GOLGA4: variants seen among roughly 807,000 people sequenced by gnomAD.
The protein encoded by GOLGA4 is golgin A4, also known as golgin subfamily A member 4.
A neutral mutation model predicts 265.9 loss-of-function variants in GOLGA4; 169 were observed. That is an observed-to-expected ratio of 0.64 (90% CI 0.56 to 0.72). The LOEUF (loss-of-function observed/expected upper bound fraction) is 0.72. Among genes scored for constraint, GOLGA4 ranks in the 30% least tolerant of loss-of-function variants. The pLI, the probability that GOLGA4 is intolerant of heterozygous loss-of-function variation, is 0.00. For synonymous variants in GOLGA4, 923 were observed against 855.8 expected (o/e 1.08, Z -1.37); for missense variants, 2,482 against 2,483.4 (o/e 1.00, Z 0.01).
At chr3:37,351,979 C>G (rs148288654) in intron 21 of GOLGA4, among the ~76,000 whole-genome samples, 1 of 152,190 alleles carries the variant, frequency 6.6e-6, no homozygotes, top group East Asian at 1.9e-4. Context: ...AGCTTTTGAA[C>G]TTCTCCTCTC....
chr3:37,339,420 G>A (rs561673256), intron 19 of GOLGA4, among the ~76,000 whole-genome samples: 2 of 152,270 alleles, frequency 1.3e-5, no homozygotes, highest in South Asian at 4.1e-4. Flanking sequence ...ATACACAGGA[G>A]TGGAATTACT....
chr3:37,340,322 AT>A (rs1245102553), intron 20 of GOLGA4, 123 bp downstream of exon 20: 3 of 484,940 alleles, frequency 6.2e-6, no homozygotes, highest in Non-Finnish European at 1.1e-5. Context: ...TAATGATTTT[AT>A]TTTTTCTTAA....
chr3:37,365,656 G>A (rs17036280), intron 23 of GOLGA4, among the ~76,000 whole-genome samples: 5,864 of 152,208 alleles, frequency 0.039, 143 homozygotes, highest in African/African-American at 0.056. Context: ...GGTAGCATTC[G>A]ATATATGGTA....
intron 5 of GOLGA4, among the ~76,000 whole-genome samples, chr3:37,289,739 A>G (rs2096860097): frequency 6.6e-6 from 1 of 152,300 alleles, no homozygotes; most frequent in South Asian, 2.1e-4. Context: ...CCATCGGAGT[A>G]GGCAAGACCA....
In GOLGA4 at chr3:37,356,917, G is replaced by A. The variant is rs372105896; in HGVS notation, c.6663+1730G>A. ...TTCTCAGGATTTGCTATATAGTGTA[G>A]GCTCATCCTAAGTCGCTGCTCTAGC... On this transcript the variant is annotated intron_variant, in intron 22 of 23. Coordinates refer to ENST00000361924, the MANE Select transcript of GOLGA4 (RefSeq NM_002078.5). Among the ~76,000 whole-genome samples the A allele has an allele frequency of 9.9e-5, 15 of 152,010 alleles. 1 individual carries two copies. Among genetic ancestry groups the A allele is most frequent in the East Asian group, 7.7e-4 (4 of 5,194 alleles).
chr3:37,296,071 A>G lies in GOLGA4; in HGVS notation c.682-16A>G. ...GTTTTTTTTGACTTTTTTCTAATGA[A>G]GCACATTTATATTAGGTTTCTCTAC... On this transcript the variant is annotated splice_polypyrimidine_tract_variant and intron_variant, in intron 6 of 23. Coordinates refer to ENST00000361924, the MANE Select transcript of GOLGA4 (RefSeq NM_002078.5). 2 of 1,611,758 alleles carry G rather than the reference A, an allele frequency of 1.2e-6. No individual in the cohort carries two copies. Among genetic ancestry groups the G allele is most frequent in the Non-Finnish European group, 1.7e-6 (2 of 1,178,062 alleles).
At chr3:37,321,561 C>A in intron 12 of GOLGA4, 170 bp from the exon 13 acceptor site, 1 of 585,704 alleles carries the variant, frequency 1.7e-6, no homozygotes, top group Non-Finnish European at 3.0e-6. Context: ...CTGGAAAAGC[C>A]ATAGTGCCTT....
intron 1 of GOLGA4, chr3:37,250,201 A>G (rs1237860073): frequency 6.6e-6 from 1 of 152,232 alleles, no homozygotes; most frequent in Non-Finnish European, 1.5e-5. Context: ...TTTTTCACAT[A>G]AAAATCTCTT....
intron 2 of GOLGA4, among the ~76,000 whole-genome samples, chr3:37,277,761 A>G (rs934002812): frequency 2.6e-5 from 4 of 152,042 alleles, no homozygotes; most frequent in Admixed American, 6.5e-5. Flanking sequence ...TTGTTTTGAC[A>G]TAGGTTCCCT....
At chr3:37,319,246 A>G in intron 12 of GOLGA4, 52 bp downstream of exon 12, 3 of 1,427,778 alleles carry the variant, frequency 2.1e-6, no homozygotes, top group Non-Finnish European at 2.9e-6. Flanking sequence ...CAGAGTTACA[A>G]AGTTATCATC....
intron 2 of GOLGA4, 96 bp downstream of exon 2, chr3:37,251,580 G>C: frequency 1.4e-6 from 1 of 702,260 alleles, no homozygotes; most frequent in African/African-American, 1.8e-5. Context: ...TGACAGGTCA[G>C]CTATTTAATT....
At chr3:37,266,286 G>A (rs981264121) in intron 2 of GOLGA4, among the ~76,000 whole-genome samples, 3 of 151,794 alleles carry the variant, frequency 2.0e-5, no homozygotes, top group African/African-American at 7.3e-5. Context: ...TGCAACCTCC[G>A]CCTCCCAGGT....
At chr3:37,307,918 T>C (rs1358416120) in intron 10 of GOLGA4, among the ~76,000 whole-genome samples, 1 of 152,192 alleles carries the variant, frequency 6.6e-6, no homozygotes, top group Non-Finnish European at 1.5e-5. Context: ...ATTTGATAGA[T>C]AAATATGTAT....
chr3:37,364,136 T>C (rs1251880821), intron 23 of GOLGA4, among the ~76,000 whole-genome samples: 1 of 152,224 alleles, frequency 6.6e-6, no homozygotes, highest in Non-Finnish European at 1.5e-5. Flanking sequence ...CCACTTAATA[T>C]ATATGGAAAG....
Position 37,329,034 on chromosome 3 carries a change from A to G in GOLGA4, c.6133A>G (p.Ile2045Val). Residue 2045 changes from isoleucine (I) to valine (V), a missense_variant, in exon 16 of 24, where the codon ATT (isoleucine) becomes GTT (valine). By Grantham distance (29) the Ile-to-Val change is conservative. Around this residue, in one of 3 missense-constraint regions of GOLGA4, gnomAD observed 942 missense variants for 983.1 expected, o/e 0.96. Coordinates refer to ENST00000361924, the MANE Select transcript of GOLGA4 (RefSeq NM_002078.5). ...QEETNQLLKK[I>V]AEKDDDLKRT... The stretch of plus-strand genomic sequence containing the variant: ...AGAGACAAATCAGTTACTTAAAAAA[A>G]TTGCTGAGAAAGATGATGATCTAAA... 1.2e-6 allele frequency: 2 copies of G among 1,611,712 alleles called. No homozygotes were observed. The highest frequency in any genetic ancestry group is 1.1e-5 in the South Asian group (1 of 90,732).
In GOLGA4 at chr3:37,337,215, TCTCA is replaced by T. The variant is rs542621984; in HGVS notation, c.6327+56_6327+59del. On this transcript the variant is annotated intron_variant, in intron 18 of 23. Coordinates refer to ENST00000361924, the MANE Select transcript of GOLGA4 (RefSeq NM_002078.5). Reference sequence around the variant, plus strand: ...TTTCTTTTTTTTCTTTGAGACAGATTCTCACTCTGTTGCCCAGGCTGTTGCCCAG... The same window carrying T: ...TTTCTTTTTTTTCTTTGAGACAGATTCTCTGTTGCCCAGGCTGTTGCCCAG... The T allele has an allele frequency of 2.1e-4, 209 of 976,514 alleles. No individual in the cohort carries two copies. The African/African-American group carries it at 2.8e-3, about 13-fold the overall frequency. 60.5% of individuals were successfully genotyped at this position (976,514 alleles called of 1,614,324 possible). A position where few individuals can be genotyped will look rare whatever the true frequency, so the allele number is the denominator to read the frequency against.
At chr3:37,272,275 G>A (rs1315771390) in intron 2 of GOLGA4, among the ~76,000 whole-genome samples, 1 of 151,982 alleles carries the variant, frequency 6.6e-6, no homozygotes, top group African/African-American at 2.4e-5. Context: ...AGATGGTTGG[G>A]CATGGTGGCT....
intron 17 of GOLGA4, among the ~76,000 whole-genome samples, chr3:37,336,302 A>G (rs1049543605): frequency 6.6e-6 from 1 of 152,168 alleles, no homozygotes; most frequent in African/African-American, 2.4e-5. Context: ...TTGAGAAAAT[A>G]CATGTATTTA....
intron 2 of GOLGA4, among the ~76,000 whole-genome samples, chr3:37,251,839 C>T (rs1415833106): frequency 6.6e-6 from 1 of 152,292 alleles, no homozygotes; most frequent in East Asian, 1.9e-4. Context: ...CGCACGCCAC[C>T]TGCCTGGCTA....
Sources: allele counts gnomAD v4.1 joint callset (sites outside exome capture counted in the v4.1 genomes callset), GRCh38; gene constraint gnomAD v4.1.1; regional missense constraint gnomAD v4.1.1; transcripts MANE v1.5; gene names NCBI Gene and HGNC (gene_info 2026-07-23, HGNC 2026-07-21).